The following CDH12 variants were observed in gnomAD, a reference collection of about 807,000 sequenced individuals.
CDH12 encodes cadherin 12.
CDH12 carries 41 observed loss-of-function variants against 74.1 expected under a neutral mutation model. That is an observed-to-expected ratio of 0.55 (90% CI 0.43 to 0.72). CDH12 has a LOEUF of 0.72. CDH12 is among the 30% of genes least tolerant of loss of function. CDH12 has a pLI of 0.00. For synonymous variants in CDH12, 399 were observed against 355.0 expected, an observed-to-expected ratio of 1.12 and a Z score of -1.39; for missense variants, 945 against 977.2, an observed-to-expected ratio of 0.97 and a Z score of 0.44.
Position 22,698,990 on chromosome 5 carries a change from A to G in CDH12, c.-523+154068T>C, listed in dbSNP as rs77979738. Among the ~76,000 whole-genome samples the G allele has an allele frequency of 5.3e-4, 81 of 152,014 alleles. No homozygotes were observed. The East Asian group carries it at 0.016, about 29-fold the overall frequency. ...CAGAAAAATTGTGTATTCTGTGAAC[A>G]GAATGCATAAGAATTTACTGATCTG... On this transcript the variant is annotated intron_variant, in intron 1 of 14. Transcript: ENST00000382254.
At chr5:22,395,818 A>G (rs1302405068) in intron 3 of CDH12, among the ~76,000 whole-genome samples, 1 of 152,116 alleles carries the variant, frequency 6.6e-6, no homozygotes, top group African/African-American at 2.4e-5. Context: ...AGAGATGGGT[A>G]AGGCCTGCCC....
intron 5 of CDH12, among the ~76,000 whole-genome samples, chr5:22,063,681 A>C (rs1043029374): frequency 4.0e-5 from 6 of 151,896 alleles, no homozygotes; most frequent in African/African-American, 1.5e-4. Flanking sequence ...ATTTGGTCAA[A>C]TATTAATCTA....
chr5:22,215,310 G>T (rs1407570591), intron 3 of CDH12, among the ~76,000 whole-genome samples: 1 of 151,914 alleles, frequency 6.6e-6, no homozygotes, highest in East Asian at 1.9e-4. Flanking sequence ...ACTTCCAACA[G>T]AATGGGAACA....
At chr5:22,083,461 T>A (rs1580222371) in intron 4 of CDH12, among the ~76,000 whole-genome samples, 1 of 152,314 alleles carries the variant, frequency 6.6e-6, no homozygotes, top group African/African-American at 2.4e-5. Flanking sequence ...TCAGCCATTC[T>A]GTTCCTGGGG....
chr5:22,415,982 T>C (rs1420763040), intron 2 of CDH12, among the ~76,000 whole-genome samples: 1 of 150,496 alleles, frequency 6.6e-6, no homozygotes, highest in Non-Finnish European at 1.5e-5. Context: ...ACCCAGATTA[T>C]ATAGTTGTGG....
At chr5:22,126,349 C>T (rs1055129211) in intron 4 of CDH12, among the ~76,000 whole-genome samples, 11 of 152,076 alleles carry the variant, frequency 7.2e-5, no homozygotes, top group African/African-American at 1.4e-4. Flanking sequence ...CTCTGCTATG[C>T]GGCTCACTTT....
At chr5:22,352,391 G>GAAAT (rs1315622651) in intron 3 of CDH12, among the ~76,000 whole-genome samples, 1 of 151,578 alleles carries the variant, frequency 6.6e-6, no homozygotes, top group African/African-American at 2.4e-5. Context: ...TAAAAATTGC[G>GAAAT]AAATAAATAA....
chr5:22,245,614 T>C (rs1337736137), intron 3 of CDH12, among the ~76,000 whole-genome samples: 1 of 151,908 alleles, frequency 6.6e-6, no homozygotes. Flanking sequence ...GACTTAAATA[T>C]ATATGTGATA....
intron 2 of CDH12, among the ~76,000 whole-genome samples, chr5:22,470,454 T>G (rs1745912452): frequency 6.6e-6 from 1 of 150,832 alleles, no homozygotes; most frequent in Non-Finnish European, 1.5e-5. Context: ...TCTCACTGTT[T>G]GTTGCTCAGG....
intron 1 of CDH12, among the ~76,000 whole-genome samples, chr5:22,666,414 C>T (rs1445693649): frequency 1.3e-5 from 2 of 151,202 alleles, no homozygotes; most frequent in East Asian, 2.0e-4. Context: ...CTCAGCCTCC[C>T]GAGTAGCTGG....
At chr5:22,825,362 A>C (rs1163402830) in intron 1 of CDH12, among the ~76,000 whole-genome samples, 1 of 152,152 alleles carries the variant, frequency 6.6e-6, no homozygotes, top group African/African-American at 2.4e-5. Flanking sequence ...TTAGGCTTAC[A>C]ATTTTAGATA....
At chr5:22,022,169 T>C (rs1406093124) in intron 5 of CDH12, among the ~76,000 whole-genome samples, 1 of 152,132 alleles carries the variant, frequency 6.6e-6, no homozygotes, top group Non-Finnish European at 1.5e-5. Flanking sequence ...ATTTTGAATC[T>C]GGTGATATGG....
intron 1 of CDH12, among the ~76,000 whole-genome samples, chr5:22,852,842 G>A (rs890997018): frequency 6.6e-6 from 1 of 152,086 alleles, no homozygotes; most frequent in East Asian, 1.9e-4. Flanking sequence ...AACCTCTCAC[G>A]GTCTGAGGAC....
chr5:22,633,559 C>A (rs1234988151), intron 1 of CDH12, among the ~76,000 whole-genome samples: 1 of 152,096 alleles, frequency 6.6e-6, no homozygotes, highest in Non-Finnish European at 1.5e-5. Context: ...AGTAGATGGA[C>A]CTCTCCAGTT....
At chr5:22,215,623 A>C (rs1452051834) in intron 3 of CDH12, among the ~76,000 whole-genome samples, 1 of 152,214 alleles carries the variant, frequency 6.6e-6, no homozygotes, top group Non-Finnish European at 1.5e-5. Flanking sequence ...CACTCTAAGT[A>C]AACGAATATC....
At chr5:22,093,742 A>G (rs1743574869) in intron 4 of CDH12, among the ~76,000 whole-genome samples, 1 of 152,186 alleles carries the variant, frequency 6.6e-6, no homozygotes, top group African/African-American at 2.4e-5. Flanking sequence ...ATTGAATTCC[A>G]TACTTTAAAT....
intron 11 of CDH12, among the ~76,000 whole-genome samples, chr5:21,766,957 A>G (rs1205375954): frequency 2.0e-5 from 3 of 151,902 alleles, no homozygotes; most frequent in Non-Finnish European, 4.4e-5. Context: ...CTAGGTTTTG[A>G]TTCCAGCTGT....
At chr5:22,507,319 G>A (rs1315460126) in intron 1 of CDH12, among the ~76,000 whole-genome samples, 2 of 151,958 alleles carry the variant, frequency 1.3e-5, no homozygotes, top group East Asian at 1.9e-4. Flanking sequence ...AAAAGTCTGA[G>A]TTAGCTCAAT....
intron 1 of CDH12, among the ~76,000 whole-genome samples, chr5:22,645,430 C>G (rs1378608651): frequency 6.6e-6 from 1 of 151,960 alleles, no homozygotes; most frequent in African/African-American, 2.4e-5. Context: ...CTGAAATCTG[C>G]TGATAAAACT....
Sources: gnomAD v4.1 joint callset for allele counts (sites outside exome capture counted in the v4.1 genomes callset) on GRCh38, gnomAD v4.1.1 for gene constraint, MANE v1.5 for transcripts, NCBI Gene and HGNC (gene_info 2026-07-23, HGNC 2026-07-21) for gene names.